Variants in LINC00632 observed in about 807,000 individuals in gnomAD.
The protein encoded by LINC00632 is long independently transcribed non-coding RNA 632.
exon 5 of LINC00632, chrX:140,784,517 C>T: frequency 6.2e-6 from 4 of 643,936 alleles, no homozygotes; most frequent in Admixed American, 3.2e-5. Flanking sequence ...CCACGTCTTC[C>T]AGCATCTCTG....
exon 5 of LINC00632, among the ~76,000 whole-genome samples, chrX:140,789,942 T>C (rs1932082495): frequency 8.9e-6 from 1 of 111,957 alleles, no homozygotes; most frequent in Non-Finnish European, 1.9e-5. Context: ...ATTATGTAAA[T>C]AGACAAACAT....
chrX:140,713,309 G>A (rs751784286), intron 2 of LINC00632, among the ~76,000 whole-genome samples: 1 of 110,338 alleles, frequency 9.1e-6, no homozygotes, highest in African/African-American at 3.3e-5. Flanking sequence ...ATGCCCTCAG[G>A]GCCCCGAGGG....
At chrX:140,748,547 A>C (rs1214054424) in intron 3 of LINC00632, among the ~76,000 whole-genome samples, 1 of 110,961 alleles carries the variant, frequency 9.0e-6, no homozygotes, top group African/African-American at 3.3e-5. Context: ...ACAATGAAAC[A>C]TCTTATTATT....
At chrX:140,768,400 C>CAA (rs912019566) in intron 3 of LINC00632, among the ~76,000 whole-genome samples, 4 of 108,140 alleles carry the variant, frequency 3.7e-5, no homozygotes, top group African/African-American at 6.7e-5. Flanking sequence ...TTGACTGTAA[C>CAA]AAAAGGGTTA....
exon 5 of LINC00632, chrX:140,783,824 T>G: frequency 8.3e-7 from 1 of 1,210,016 alleles, no homozygotes; most frequent in East Asian, 3.0e-5. Context: ...AGAAAATCCA[T>G]GTCTTCCAGT....
chrX:140,718,352 T>G (rs73590124), intron 2 of LINC00632, among the ~76,000 whole-genome samples: 1 of 108,941 alleles, frequency 9.2e-6, no homozygotes, highest in Non-Finnish European at 1.9e-5. Flanking sequence ...AATTGCATCA[T>G]AGTGAATACT....
At chrX:140,727,979 G>A (rs1247732036) in intron 2 of LINC00632, among the ~76,000 whole-genome samples, 2 of 111,497 alleles carry the variant, frequency 1.8e-5, no homozygotes, top group African/African-American at 3.3e-5. Flanking sequence ...GGTGGCTCAC[G>A]CCTGTAATCC....
At chrX:140,714,151 T>C in intron 2 of LINC00632, 1 of 171,819 alleles carries the variant, frequency 5.8e-6, no homozygotes, top group South Asian at 1.2e-4. Flanking sequence ...GAAACAGACT[T>C]TCCCGAGAAT....
At chrX:140,720,587 A>G (rs1930711858) in intron 2 of LINC00632, among the ~76,000 whole-genome samples, 1 of 112,065 alleles carries the variant, frequency 8.9e-6, no homozygotes, top group Non-Finnish European at 1.9e-5. Flanking sequence ...ACTTCTTACA[A>G]TTACAGATAT....
chrX:140,724,545 A>G (rs1930879771), intron 2 of LINC00632, among the ~76,000 whole-genome samples: 1 of 82,208 alleles, frequency 1.2e-5, no homozygotes, highest in Non-Finnish European at 2.5e-5. Context: ...CATTCCATAC[A>G]CACACACACT....
chrX:140,766,026 A>G (rs1005217665), intron 3 of LINC00632, among the ~76,000 whole-genome samples: 60 of 111,907 alleles, frequency 5.4e-4, no homozygotes, highest in African/African-American at 1.9e-3. Flanking sequence ...GGCACATGTG[A>G]TCCCTGGCCT....
At position 140,736,424 on chromosome X, in the gene LINC00632, TTTCTTC is replaced by T. The variant is rs138263060; in HGVS notation, n.191+2469_191+2474del. ...CATAGAATTAAAGTTTTCTTTTTCT[TTTCTTC>T]TTCTTCTTTTTTTTTTTTTTTTTTT... is the stretch of plus-strand genomic sequence containing the variant. On this transcript the variant is annotated intron_variant and non_coding_transcript_variant, in intron 3 of 4. Coordinates refer to ENST00000648200, the Ensembl canonical transcript of LINC00632. Among the ~76,000 whole-genome samples the T allele has an allele frequency of 1.1e-4, 10 of 95,112 alleles. No homozygotes were observed. In the East Asian group the frequency reaches 3.6e-3, roughly 34 times the overall value. 82.6% of individuals were successfully genotyped at this position (95,112 alleles called of 115,157 possible).
intron 2 of LINC00632, among the ~76,000 whole-genome samples, chrX:140,720,949 C>T (rs745467602): frequency 2.8e-4 from 31 of 111,241 alleles, no homozygotes; most frequent in African/African-American, 9.8e-4. Flanking sequence ...CACACCAACC[C>T]AGGGACTTAC....
At chrX:140,769,641 A>G (rs769252975) in intron 3 of LINC00632, among the ~76,000 whole-genome samples, 3 of 111,460 alleles carry the variant, frequency 2.7e-5, no homozygotes, top group Non-Finnish European at 5.6e-5. Flanking sequence ...TCATCTAAGA[A>G]ATCTGGCATC....
rs796485491 is a variant in LINC00632, at chrX:140,759,289, T to TTTCCTTCCTTCC, written n.192-12742_192-12731dup. 7.2e-4 allele frequency among the ~76,000 whole-genome samples: 57 copies of TTTCCTTCCTTCC among 79,596 alleles called. No homozygotes were observed. In the East Asian group the frequency reaches 7.3e-3, roughly 10 times the overall value. 69.1% of individuals were successfully genotyped at this position (79,596 alleles called of 115,157 possible). On this transcript the variant is annotated intron_variant and non_coding_transcript_variant, in intron 3 of 4. Transcript: ENST00000648200. ...ACCCCAGGCCTCTTTTCTTTCTTTCTTTCCTTCCTTCCTTCCTTCCTTCCT... is the reference window on the plus strand; with the variant it reads ...ACCCCAGGCCTCTTTTCTTTCTTTCTTTCCTTCCTTCCTTCCTTCCTTCCTTCCTTCCTTCCT...
intron 3 of LINC00632, among the ~76,000 whole-genome samples, chrX:140,743,809 C>G (rs1356387650): frequency 1.8e-5 from 2 of 111,364 alleles, no homozygotes; most frequent in Non-Finnish European, 3.8e-5. Flanking sequence ...AGTCGAGAGG[C>G]TTTCCCTCCA....
At chrX:140,762,441 A>G (rs2042746112) in intron 3 of LINC00632, among the ~76,000 whole-genome samples, 1 of 112,480 alleles carries the variant, frequency 8.9e-6, no homozygotes, top group African/African-American at 3.2e-5. Flanking sequence ...GTGTGTATGA[A>G]AACATGGTCT....
chrX:140,769,212 T>C (rs892675168), intron 3 of LINC00632, among the ~76,000 whole-genome samples: 3 of 111,496 alleles, frequency 2.7e-5, no homozygotes, highest in East Asian at 5.7e-4. Context: ...AAAAAGCTGG[T>C]GGCTATGAGG....
chrX:140,713,905 A>C (rs943450259), intron 2 of LINC00632: 1 of 274,434 alleles, frequency 3.6e-6, no homozygotes, highest in Admixed American at 4.3e-5. Context: ...CATCACACGA[A>C]CCCATTTTAG....
Sources: allele counts gnomAD v4.1 joint callset (sites outside exome capture counted in the v4.1 genomes callset), GRCh38; gene constraint gnomAD v4.1.1; transcripts MANE v1.5; gene names NCBI Gene and HGNC (gene_info 2026-07-23, HGNC 2026-07-21).